The following PVT1 variants were observed in gnomAD, a reference collection of about 807,000 sequenced individuals.
PVT1 encodes CXCR4/PVT1 fusion.
chr8:127,879,804 G>T (rs991142356), intron 2 of PVT1, among the ~76,000 whole-genome samples: 2 of 152,202 alleles, frequency 1.3e-5, no homozygotes, highest in African/African-American at 4.8e-5. Flanking sequence ...CACCTTCGAC[G>T]GACAATGCGC....
chr8:128,055,568 T>C (rs1813753243), intron 4 of PVT1, among the ~76,000 whole-genome samples: 1 of 152,256 alleles, frequency 6.6e-6, no homozygotes, highest in African/African-American at 2.4e-5. Context: ...AGTTCTCTAT[T>C]TGCTGCACAT....
At chr8:127,990,529 A>T (rs1480790184) in intron 4 of PVT1, among the ~76,000 whole-genome samples, 1 of 152,222 alleles carries the variant, frequency 6.6e-6, no homozygotes, top group Non-Finnish European at 1.5e-5. Flanking sequence ...AAATGACATG[A>T]TGAAAAGGAA....
At chr8:127,843,098 G>A (rs570824734) in intron 2 of PVT1, among the ~76,000 whole-genome samples, 106 of 152,314 alleles carry the variant, frequency 7.0e-4, no homozygotes, top group African/African-American at 2.4e-3. Flanking sequence ...GCTCGTGCCT[G>A]TAATCTCAGC....
At chr8:127,959,915 G>T (rs1314789041) in intron 3 of PVT1, among the ~76,000 whole-genome samples, 1 of 152,158 alleles carries the variant, frequency 6.6e-6, no homozygotes, top group African/African-American at 2.4e-5. Context: ...CTGGAAGCAG[G>T]GAATTGGCAT....
chr8:127,883,202 G>A (rs1220767032), intron 2 of PVT1, among the ~76,000 whole-genome samples: 1 of 151,996 alleles, frequency 6.6e-6, no homozygotes, highest in Non-Finnish European at 1.5e-5. Flanking sequence ...TCCCCTCAAA[G>A]CTTTAGGACC....
chr8:127,871,860 A>G (rs1586415789), intron 2 of PVT1, among the ~76,000 whole-genome samples: 3 of 152,202 alleles, frequency 2.0e-5, no homozygotes, highest in Admixed American at 6.5e-5. Flanking sequence ...AGGCCAAGGC[A>G]GGCGGATCCC....
At chr8:127,959,972 T>TA (rs1816619603) in intron 3 of PVT1, among the ~76,000 whole-genome samples, 1 of 152,214 alleles carries the variant, frequency 6.6e-6, no homozygotes, top group Non-Finnish European at 1.5e-5. Flanking sequence ...TGTCTGCACT[T>TA]ACTTCTGGCC....
chr8:127,929,559 G>A (rs1816175418), intron 3 of PVT1, among the ~76,000 whole-genome samples: 1 of 152,214 alleles, frequency 6.6e-6, no homozygotes, highest in Non-Finnish European at 1.5e-5. Context: ...GAGGTCAGGA[G>A]ATCGAGACCA....
At chr8:127,918,935 C>A (rs541426616) in intron 3 of PVT1, among the ~76,000 whole-genome samples, 1 of 152,300 alleles carries the variant, frequency 6.6e-6, no homozygotes, top group East Asian at 1.9e-4. Flanking sequence ...AGATGGTGTG[C>A]AGAATTCTAA....
intron 2 of PVT1, among the ~76,000 whole-genome samples, chr8:127,798,704 C>CAAAAAAAAAAAAAAAAAAAAA (rs71300266): frequency 1.8e-5 from 2 of 110,484 alleles, no homozygotes. Flanking sequence ...ACTAAAAATA[C>CAAAAAAAAAAAAAAAAAAAAA]AAAAAAAAAA....
At chr8:128,009,782 G>T (rs542761781) in intron 4 of PVT1, 2 of 152,316 alleles carry the variant, frequency 1.3e-5, no homozygotes, top group Non-Finnish European at 2.9e-5. Flanking sequence ...GGTAAACCAC[G>T]CTGTGTCTAA....
At chr8:128,050,091 T>C (rs1255720081) in intron 4 of PVT1, among the ~76,000 whole-genome samples, 1 of 152,218 alleles carries the variant, frequency 6.6e-6, no homozygotes, top group African/African-American at 2.4e-5. Context: ...TCCTGGCCTG[T>C]GCAGCCTAAT....
intron 3 of PVT1, among the ~76,000 whole-genome samples, chr8:127,955,105 T>C (rs1816553698): frequency 6.6e-6 from 1 of 152,070 alleles, no homozygotes; most frequent in Non-Finnish European, 1.5e-5. Flanking sequence ...TTTAAAGAGG[T>C]AATTAAGTTA....
At chr8:128,037,136 G>A (rs967993232) in intron 4 of PVT1, among the ~76,000 whole-genome samples, 4 of 152,214 alleles carry the variant, frequency 2.6e-5, no homozygotes, top group Non-Finnish European at 5.9e-5. Context: ...AGGGGTGCCC[G>A]AGACCCAGCA....
intron 3 of PVT1, among the ~76,000 whole-genome samples, chr8:127,914,494 A>G (rs965877924): frequency 5.3e-5 from 8 of 152,158 alleles, no homozygotes; most frequent in African/African-American, 1.9e-4. Flanking sequence ...GCGTATGTCC[A>G]CAAAAAGCTT....
chr8:127,826,593 A>G (rs147786688), intron 2 of PVT1, among the ~76,000 whole-genome samples: 1 of 152,280 alleles, frequency 6.6e-6, no homozygotes, highest in African/African-American at 2.4e-5. Flanking sequence ...TTTGTGTGTA[A>G]AGGAGGATAA....
chr8:127,933,276 T>C (rs978405612), intron 3 of PVT1, among the ~76,000 whole-genome samples: 1 of 152,176 alleles, frequency 6.6e-6, no homozygotes, highest in Non-Finnish European at 1.5e-5. Flanking sequence ...GGTTTCTCCA[T>C]GTTGGTCAGG....
At chr8:128,019,119 A>T (rs1387158046) in intron 4 of PVT1, among the ~76,000 whole-genome samples, 2 of 152,188 alleles carry the variant, frequency 1.3e-5, no homozygotes, top group African/African-American at 2.4e-5. Flanking sequence ...CGTCAGAGCC[A>T]CTGCGTCTGG....
intron 3 of PVT1, among the ~76,000 whole-genome samples, chr8:127,967,796 G>A (rs1186418649): frequency 6.6e-6 from 1 of 152,244 alleles, no homozygotes; most frequent in African/African-American, 2.4e-5. Context: ...CGATGGTCCT[G>A]TAACTTGCCA....
Sources: allele counts gnomAD v4.1 joint callset (sites outside exome capture counted in the v4.1 genomes callset), GRCh38; gene constraint gnomAD v4.1.1; transcripts MANE v1.5; gene names NCBI Gene and HGNC (gene_info 2026-07-23, HGNC 2026-07-21).